Variants in NBPF15 observed in about 807,000 individuals in gnomAD.
NBPF15 encodes NBPF family member NBPF15.
A neutral mutation model predicts 62.2 loss-of-function variants in NBPF15; 74 were observed. That is an observed-to-expected ratio of 1.19 (90% CI 0.99 to 1.44). NBPF15 has a LOEUF of 1.44. NBPF15 is among the 40% of genes most tolerant of loss of function. NBPF15 has a pLI of 0.00. For synonymous variants in NBPF15, 244 were observed against 209.7 expected (o/e 1.16, Z -1.41); for missense variants, 790 against 550.0 (o/e 1.44, Z -4.36).
intron 1 of NBPF15, 124 bp from the exon 2 acceptor site, chr1:144,461,085 G>A (rs587614700): frequency 2.0e-5 from 3 of 151,104 alleles, no homozygotes; most frequent in East Asian, 3.9e-4. Context: ...CTCGAGGGTG[G>A]GGTGCGGGGT....
chr1:144,422,954 T>C lies in NBPF15; in HGVS notation c.*59A>G. 6.2e-7 allele frequency: 1 copy of C among 1,611,606 alleles called. No individual in the cohort carries two copies. Among genetic ancestry groups the C allele is most frequent in the Non-Finnish European group, 8.5e-7 (1 of 1,179,596 alleles). ...ATGGAACTGTACTTTCATTCAAATC[T>C]TCTCGTGCCTATAGGTCCTGCCTGC... On this transcript the variant is annotated 3_prime_UTR_variant, in exon 22 of 22. Transcript: ENST00000581897.
chr1:144,424,006 T>G lies in NBPF15; in HGVS notation c.1664-31A>C, dbSNP rs201665384. On this transcript the variant is annotated intron_variant, in intron 20 of 21. Transcript: ENST00000581897. ...ATAAATTCAGACATGGACAGACACA[T>G]TAAGCTGATTCCCCTACACATATAA... is the stretch of plus-strand genomic sequence containing the variant. 1.7e-3 allele frequency: 1,261 copies of G among 763,008 alleles called. 36 individuals carry two copies. The highest frequency in any genetic ancestry group is 2.7e-4 in the Non-Finnish European group (114 of 416,180). 47.3% of individuals were successfully genotyped at this position (763,008 alleles called of 1,614,324 possible).
At chr1:144,448,085 G>A (rs1382123960) in intron 6 of NBPF15, among the ~76,000 whole-genome samples, 3 of 152,000 alleles carry the variant, frequency 2.0e-5, no homozygotes, top group Admixed American at 2.0e-4. Context: ...TAAAGCTGAT[G>A]GGAGTTTATT....
At chr1:144,447,200 G>A (rs1209300818) in intron 6 of NBPF15, among the ~76,000 whole-genome samples, 2 of 152,282 alleles carry the variant, frequency 1.3e-5, no homozygotes, top group South Asian at 2.1e-4. Context: ...CCTCCAGCCT[G>A]CAGAGGAGAG....
In NBPF15 at chr1:144,423,097, G is replaced by T; in HGVS notation, c.1929C>A (p.Ala643=). 6.2e-7 allele frequency: 1 copy of T among 1,611,604 alleles called. No individual in the cohort carries two copies. ...TAAAAAACCTATTGTCCACGTAAAG[G>T]GCGAAGCTGATATGCTCTTCCTCAA... The part of the protein sequence containing the change: ...YSFEEEHISF[A]LYVDNRFFTL... Residue 643 remains alanine, a synonymous_variant, in exon 22 of 22, where the codon GCC becomes GCA. Coordinates refer to ENST00000581897, the MANE Select transcript of NBPF15 (RefSeq NM_001385408.1).
At chr1:144,445,939 C>G (rs782418337) in intron 6 of NBPF15, among the ~76,000 whole-genome samples, 1 of 147,382 alleles carries the variant, frequency 6.8e-6, no homozygotes, top group African/African-American at 2.6e-5. Flanking sequence ...TCACTGCAAC[C>G]TCTGCCTCCC....
chr1:144,457,524 C>T (rs1251759465), intron 3 of NBPF15, among the ~76,000 whole-genome samples: 1 of 151,992 alleles, frequency 6.6e-6, no homozygotes, highest in Non-Finnish European at 1.5e-5. Flanking sequence ...AACTGTGACA[C>T]TTGGAGATTG....
intron 13 of NBPF15, among the ~76,000 whole-genome samples, chr1:144,433,147 T>C (rs1675750253): frequency 6.6e-6 from 1 of 151,884 alleles, no homozygotes; most frequent in African/African-American, 2.4e-5. Flanking sequence ...ATTAAGAAAC[T>C]CACTCAAAAC....
intron 13 of NBPF15, among the ~76,000 whole-genome samples, chr1:144,431,376 T>C (rs1275569646): frequency 6.7e-5 from 10 of 150,344 alleles, no homozygotes; most frequent in Non-Finnish European, 8.8e-5. Flanking sequence ...AGCAGATCTC[T>C]TGGCACAAAC....
intron 21 of NBPF15, 26 bp downstream of exon 21, chr1:144,423,844 A>C (rs1553538750): frequency 6.6e-6 from 5 of 763,134 alleles, no homozygotes; most frequent in Non-Finnish European, 1.2e-5. Context: ...ACACAGAATT[A>C]AGCATCCACA....
Position 144,450,833 on chromosome 1 carries a change from AC to A in NBPF15, c.-395del, listed in dbSNP as rs1476590720. 1 of 948,202 alleles carries A rather than the reference AC, an allele frequency of 1.1e-6. No individual in the cohort carries two copies. Among genetic ancestry groups the A allele is most frequent in the Non-Finnish European group, 1.3e-6 (1 of 796,910 alleles). The allele number at this position is 948,202 out of a possible 1,614,324, so 58.7% of individuals were successfully genotyped here. A position where few individuals can be genotyped will look rare whatever the true frequency, so the allele number is the denominator to read the frequency against. On this transcript the variant is annotated 5_prime_UTR_variant, in exon 5 of 22. The change creates a new upstream start codon in the 5' untranslated region. Coordinates refer to ENST00000581897, the MANE Select transcript of NBPF15 (RefSeq NM_001385408.1). ...GAAGACAATGAGGGGTATTTCAGGCACTTGAGTAGTGTGGCTTTACTGTTAT... is the reference window on the plus strand; with the variant it reads ...GAAGACAATGAGGGGTATTTCAGGCATTGAGTAGTGTGGCTTTACTGTTAT...
intron 5 of NBPF15, among the ~76,000 whole-genome samples, chr1:144,450,537 C>T (rs587727288): frequency 5.4e-4 from 81 of 150,282 alleles, no homozygotes; most frequent in African/African-American, 1.5e-3. Context: ...AGCCCATTCC[C>T]GGATTTTAGC....
At chr1:144,428,812 T>C (rs1310417109) in intron 14 of NBPF15, among the ~76,000 whole-genome samples, 155 bp from the exon 15 acceptor site, 4 of 151,844 alleles carry the variant, frequency 2.6e-5, no homozygotes, top group African/African-American at 9.7e-5. Context: ...TGAGGTCAAG[T>C]CTTGAGAAAA....
chr1:144,424,528 G>A (rs1471269011), intron 20 of NBPF15, among the ~76,000 whole-genome samples, 162 bp downstream of exon 20: 2 of 151,872 alleles, frequency 1.3e-5, no homozygotes, highest in Admixed American at 6.6e-5. Flanking sequence ...CCTTGTCTGG[G>A]CTTCCAGGTA....
At chr1:144,440,891 G>A (rs1319438394) in intron 6 of NBPF15, among the ~76,000 whole-genome samples, 4 of 150,872 alleles carry the variant, frequency 2.7e-5, no homozygotes, top group African/African-American at 7.3e-5. Context: ...GGATGGTCTC[G>A]ATCTCCTGAC....
chr1:144,452,510 G>A (rs1386910261), intron 4 of NBPF15, among the ~76,000 whole-genome samples: 1 of 151,268 alleles, frequency 6.6e-6, no homozygotes, highest in Non-Finnish European at 1.5e-5. Context: ...TGGGGACCAG[G>A]GATTAGGAAA....
intron 20 of NBPF15, 85 bp downstream of exon 20, chr1:144,424,605 T>C: frequency 3.0e-6 from 2 of 658,442 alleles, no homozygotes; most frequent in Non-Finnish European, 5.4e-6. Context: ...ATCTCTCAGC[T>C]CAGTAATGGC....
Position 144,435,784 on chromosome 1 carries a change from G to A in NBPF15, c.563C>T (p.Pro188Leu). The A allele has an allele frequency of 1.1e-6, 1 of 891,106 alleles. No homozygotes were observed. The highest frequency in any genetic ancestry group is 1.3e-5 in the South Asian group (1 of 76,860). The allele number at this position is 891,106 out of a possible 1,614,324, so 55.2% of individuals were successfully genotyped here. Residue 188 changes from proline to leucine, a missense_variant, in exon 11 of 22, where the codon CCC (proline) becomes CTC (leucine). Transcript: ENST00000581897. ...VAEKVQKSSA[P>L]REMQKAEEKE... The stretch of plus-strand genomic sequence containing the variant: ...GTTCCTGAGTATTCAGTGTTACCTG[G>A]GGGCAGACGATTTCTGCACTTTCTC...
rs587698324 is a variant in NBPF15, at chr1:144,439,023, G to A, written c.175+806C>T. Among the ~76,000 whole-genome samples the A allele has an allele frequency of 2.8e-3, 420 of 151,324 alleles. 4 individuals carry two copies. Among genetic ancestry groups the A allele is most frequent in the Middle Eastern group, 6.8e-3 (2 of 294 alleles). Reference sequence around the variant, plus strand: ...TTTTTTTTAACAGTCTTGCCCTGTCGCCCAGGCTGGAGTGCAATGGCAAAA... The same window carrying A: ...TTTTTTTTAACAGTCTTGCCCTGTCACCCAGGCTGGAGTGCAATGGCAAAA... On this transcript the variant is annotated intron_variant, in intron 8 of 21. Coordinates refer to ENST00000581897, the MANE Select transcript of NBPF15 (RefSeq NM_001385408.1).
Sources: allele counts gnomAD v4.1 joint callset (sites outside exome capture counted in the v4.1 genomes callset), GRCh38; gene constraint gnomAD v4.1.1; transcripts MANE v1.5; gene names NCBI Gene and HGNC (gene_info 2026-07-23, HGNC 2026-07-21).